JAZF1: variants seen among roughly 807,000 people sequenced by gnomAD.
JAZF1 encodes JAZF zinc finger 1, also known as juxtaposed with another zinc finger protein 1.
A neutral mutation model predicts 26.4 loss-of-function variants in JAZF1; 8 were observed. The ratio of observed to expected loss-of-function variants is 0.30; its 90% CI spans 0.18 to 0.55. The LOEUF (loss-of-function observed/expected upper bound fraction) is 0.55, where lower values mean the gene tolerates loss of function less well. Ranked by LOEUF, JAZF1 falls within the 20% of genes least tolerant of loss-of-function variation. The pLI, the probability that JAZF1 is intolerant of heterozygous loss-of-function variation, is 0.94. For synonymous variants in JAZF1, 126 were observed against 122.3 expected, an observed-to-expected ratio of 1.03 and a Z score of -0.20; for missense variants, 199 against 322.0, an observed-to-expected ratio of 0.62 and a Z score of 2.92.
chr7:28,118,538 C>T (rs1458908649), intron 1 of JAZF1, among the ~76,000 whole-genome samples: 4 of 152,038 alleles, frequency 2.6e-5, no homozygotes, highest in East Asian at 1.9e-4. Flanking sequence ...AAGGATCTAA[C>T]GTTCCCAATT....
intron 1 of JAZF1, among the ~76,000 whole-genome samples, chr7:28,176,129 A>G (rs1424499610): frequency 6.6e-6 from 1 of 152,226 alleles, no homozygotes; most frequent in African/African-American, 2.4e-5. Context: ...TCACAACAAG[A>G]AACCTGTTGA....
intron 1 of JAZF1, among the ~76,000 whole-genome samples, chr7:28,174,276 A>G (rs2127955401): frequency 6.6e-6 from 1 of 152,332 alleles, no homozygotes; most frequent in South Asian, 2.1e-4. Context: ...AGAAGCTAAA[A>G]CTAGAAAAGG....
intron 3 of JAZF1, among the ~76,000 whole-genome samples, chr7:27,867,948 A>C (rs1783506761): frequency 6.6e-6 from 1 of 152,052 alleles, no homozygotes; most frequent in Non-Finnish European, 1.5e-5. Flanking sequence ...CTTTCGCAGG[A>C]TCTCGCCTGG....
intron 3 of JAZF1, among the ~76,000 whole-genome samples, chr7:27,890,604 A>G (rs1390801196): frequency 6.6e-6 from 1 of 152,192 alleles, no homozygotes; most frequent in Non-Finnish European, 1.5e-5. Flanking sequence ...TGGATGTGTC[A>G]AGTTAACCTT....
At chr7:28,167,087 T>C (rs978169096) in intron 1 of JAZF1, among the ~76,000 whole-genome samples, 1 of 152,196 alleles carries the variant, frequency 6.6e-6, no homozygotes, top group Admixed American at 6.5e-5. Context: ...AGGCCCTTCA[T>C]AGTCATGTTT....
intron 1 of JAZF1, among the ~76,000 whole-genome samples, chr7:28,180,061 C>A (rs1354098490): frequency 6.8e-6 from 1 of 146,912 alleles, no homozygotes; most frequent in East Asian, 2.0e-4. Context: ...CCAACTAACT[C>A]CGCGACCCTG....
chr7:27,890,787 T>A (rs1783960564), intron 3 of JAZF1, among the ~76,000 whole-genome samples: 1 of 140,918 alleles, frequency 7.1e-6, no homozygotes, highest in South Asian at 2.3e-4. Flanking sequence ...GTTACTACTT[T>A]TTTTTTTTTT....
chr7:27,977,417 G>A (rs1785495439), intron 2 of JAZF1, among the ~76,000 whole-genome samples: 1 of 152,126 alleles, frequency 6.6e-6, no homozygotes, highest in African/African-American at 2.4e-5. Context: ...AGGGATCATT[G>A]GGGTGCTTTT....
chr7:27,965,072 C>A (rs921252757), intron 2 of JAZF1, among the ~76,000 whole-genome samples: 1 of 152,142 alleles, frequency 6.6e-6, no homozygotes, highest in African/African-American at 2.4e-5. Flanking sequence ...TTTATAGATA[C>A]TGACACTGCA....
At chr7:28,141,558 C>G (rs1782959187) in intron 1 of JAZF1, among the ~76,000 whole-genome samples, 1 of 152,160 alleles carries the variant, frequency 6.6e-6, no homozygotes, top group African/African-American at 2.4e-5. Flanking sequence ...TTCAATAACA[C>G]ATGCCTTAAC....
At chr7:27,973,600 G>C (rs958940193) in intron 2 of JAZF1, among the ~76,000 whole-genome samples, 2 of 152,156 alleles carry the variant, frequency 1.3e-5, no homozygotes, top group African/African-American at 4.8e-5. Flanking sequence ...TGCCCGGTAG[G>C]GGGTGTATGA....
At chr7:27,833,349 A>G (rs1181110831) in intron 4 of JAZF1, among the ~76,000 whole-genome samples, 1 of 152,262 alleles carries the variant, frequency 6.6e-6, no homozygotes, top group South Asian at 2.1e-4. Context: ...TATCCTCAGC[A>G]TGACCAACAA....
intron 2 of JAZF1, among the ~76,000 whole-genome samples, chr7:27,982,333 C>T (rs1785602938): frequency 6.6e-6 from 1 of 152,228 alleles, no homozygotes; most frequent in African/African-American, 2.4e-5. Context: ...GGTCCCACGC[C>T]CATGGAGCCT....
At chr7:27,856,821 G>A (rs192242752) in intron 3 of JAZF1, among the ~76,000 whole-genome samples, 5 of 152,316 alleles carry the variant, frequency 3.3e-5, no homozygotes, top group Non-Finnish European at 1.5e-5. Context: ...AGAGTAACTA[G>A]ATAGAGAGTG....
intron 1 of JAZF1, among the ~76,000 whole-genome samples, chr7:28,160,947 T>C (rs1783275260): frequency 6.6e-6 from 1 of 152,126 alleles, no homozygotes; most frequent in Admixed American, 6.6e-5. Flanking sequence ...TTTTTTGACC[T>C]GAAAGAAACC....
At chr7:28,107,107 T>C (rs1451416770) in intron 1 of JAZF1, among the ~76,000 whole-genome samples, 1 of 152,234 alleles carries the variant, frequency 6.6e-6, no homozygotes, top group Non-Finnish European at 1.5e-5. Flanking sequence ...CAACATCGAA[T>C]TAATCTGCCA....
intron 2 of JAZF1, among the ~76,000 whole-genome samples, chr7:27,959,273 T>A (rs1785150497): frequency 6.6e-6 from 1 of 152,208 alleles, no homozygotes; most frequent in South Asian, 2.1e-4. Context: ...GCTAGTCATT[T>A]TACCATTCCT....
At chr7:27,942,697 T>G (rs576747438) in intron 2 of JAZF1, among the ~76,000 whole-genome samples, 57 of 152,308 alleles carry the variant, frequency 3.7e-4, no homozygotes, top group African/African-American at 1.3e-3. Flanking sequence ...ACAATACGTT[T>G]TAATTACCTC....
intron 1 of JAZF1, among the ~76,000 whole-genome samples, chr7:28,114,755 T>C (rs1784715863): frequency 6.6e-6 from 1 of 150,884 alleles, no homozygotes; most frequent in Non-Finnish European, 1.5e-5. Flanking sequence ...TGAGGATGAG[T>C]GTGAGAACAC....
Sources: gnomAD v4.1 joint callset for allele counts (sites outside exome capture counted in the v4.1 genomes callset) on GRCh38, gnomAD v4.1.1 for gene constraint, MANE v1.5 for transcripts, NCBI Gene and HGNC (gene_info 2026-07-23, HGNC 2026-07-21) for gene names.